THSD4: variants seen among roughly 807,000 people sequenced by gnomAD.
The protein encoded by THSD4 is thrombospondin type-1 domain-containing protein 4.
Under a neutral mutation model 119.0 loss-of-function variants are expected in THSD4, and 69 were observed. The ratio of observed to expected loss-of-function variants is 0.58; its 90% confidence interval spans 0.48 to 0.71. The LOEUF is 0.71. THSD4 is among the 30% of genes least tolerant of loss of function. The pLI, the probability that THSD4 is intolerant of heterozygous loss-of-function variation, is 0.00. For synonymous variants in THSD4, 524 were observed against 540.4 expected (o/e 0.97, Z 0.42); for missense variants, 1,393 against 1,391.1 (o/e 1.00, Z -0.02).
At position 71,699,317 on chromosome 15, in the gene THSD4, A is replaced by G. The variant is rs1345059200; in HGVS notation, c.1358-29232A>G. ...AAGCTCCGCCTCCCGGGTTCACGCC[A>G]TTCTCCTGCCTCAGCCTCCCAAGTA... On this transcript the variant is annotated intron_variant, in intron 8 of 17. Coordinates refer to ENST00000261862, the MANE Select transcript of THSD4 (RefSeq NM_024817.3). Among the ~76,000 whole-genome samples the G allele has an allele frequency of 4.3e-5, 3 of 69,126 alleles. 1 individual carries two copies. Among genetic ancestry groups the G allele is most frequent in the Admixed American group, 1.5e-4 (1 of 6,554 alleles). 45.3% of individuals were successfully genotyped at this position (69,126 alleles called of 152,430 possible).
At chr15:71,522,391 C>CAG (rs2048455205) in intron 7 of THSD4, among the ~76,000 whole-genome samples, 4 of 152,184 alleles carry the variant, frequency 2.6e-5, no homozygotes, top group African/African-American at 7.2e-5. Context: ...GCTGCCTCCC[C>CAG]AGTCCAGGGC....
intron 4 of THSD4, among the ~76,000 whole-genome samples, chr15:71,230,151 TC>T (rs1344234582): frequency 3.9e-5 from 6 of 151,980 alleles, no homozygotes; most frequent in African/African-American, 1.2e-4. Context: ...GGGGATAGGA[TC>T]TCCATTTGCT....
chr15:71,417,305 T>C (rs2046771364), intron 7 of THSD4, among the ~76,000 whole-genome samples: 1 of 108,264 alleles, frequency 9.2e-6, no homozygotes, highest in South Asian at 2.9e-4. Context: ...AAGAAATCTC[T>C]GCCCAGTCCT....
chr15:71,272,950 G>T (rs1384316721), intron 6 of THSD4, among the ~76,000 whole-genome samples: 1 of 152,184 alleles, frequency 6.6e-6, no homozygotes, highest in Non-Finnish European at 1.5e-5. Flanking sequence ...TGGTGGGAAT[G>T]TAAGTTAGAA....
intron 6 of THSD4, among the ~76,000 whole-genome samples, chr15:71,396,649 C>A (rs1566968684): frequency 6.6e-6 from 1 of 152,182 alleles, no homozygotes. Flanking sequence ...CCGGCCATGA[C>A]CTCCCGCTTC....
intron 5 of THSD4, among the ~76,000 whole-genome samples, chr15:71,246,901 T>G: frequency 6.6e-6 from 1 of 150,440 alleles, no homozygotes; most frequent in Admixed American, 6.6e-5. Flanking sequence ...TTTTTTTTTT[T>G]TTTTTTGAGA....
chr15:71,471,701 T>C (rs1299307898), intron 7 of THSD4, among the ~76,000 whole-genome samples: 1 of 151,390 alleles, frequency 6.6e-6, no homozygotes, highest in Non-Finnish European at 1.5e-5. Context: ...CCTGACACTT[T>C]TCATTCCTGT....
At chr15:71,462,115 T>A (rs751084746) in intron 7 of THSD4, among the ~76,000 whole-genome samples, 6 of 152,164 alleles carry the variant, frequency 3.9e-5, no homozygotes, top group Non-Finnish European at 7.4e-5. Flanking sequence ...TTCTTTTTTC[T>A]TTTTCATATT....
chr15:71,603,397 G>A (rs548528633), intron 7 of THSD4, among the ~76,000 whole-genome samples: 99 of 152,292 alleles, frequency 6.5e-4, no homozygotes, highest in Non-Finnish European at 1.1e-3. Context: ...CGAACTTCCC[G>A]TGGCTCCACC....
At chr15:71,455,210 C>G (rs983670253) in intron 7 of THSD4, among the ~76,000 whole-genome samples, 2 of 152,146 alleles carry the variant, frequency 1.3e-5, no homozygotes, top group African/African-American at 2.4e-5. Flanking sequence ...CTCCTTCTGC[C>G]TGATGTAGAA....
At chr15:71,301,032 C>A (rs1481799900) in intron 6 of THSD4, among the ~76,000 whole-genome samples, 1 of 152,070 alleles carries the variant, frequency 6.6e-6, no homozygotes, top group African/African-American at 2.4e-5. Flanking sequence ...ATAATCTGGG[C>A]CTTTGCTGCA....
chr15:71,316,820 C>T (rs1334041136), intron 6 of THSD4, among the ~76,000 whole-genome samples: 2 of 152,024 alleles, frequency 1.3e-5, no homozygotes, highest in African/African-American at 2.4e-5. Flanking sequence ...ATCTTAGGGC[C>T]GAAATCTGAG....
At chr15:71,712,021 A>G (rs1352829518) in intron 8 of THSD4, among the ~76,000 whole-genome samples, 2 of 152,166 alleles carry the variant, frequency 1.3e-5, no homozygotes, top group African/African-American at 4.8e-5. Context: ...CCTAATTGAC[A>G]TTTATACAAC....
chr15:71,652,994 C>A (rs1017682835), intron 7 of THSD4, among the ~76,000 whole-genome samples: 1 of 152,154 alleles, frequency 6.6e-6, no homozygotes, highest in Non-Finnish European at 1.5e-5. Context: ...AGGGCTGTAT[C>A]TCTTTTTAAA....
chr15:71,194,112 G>A (rs28660651), intron 3 of THSD4, among the ~76,000 whole-genome samples: 2,097 of 152,280 alleles, frequency 0.014, 49 homozygotes, highest in African/African-American at 0.046. Flanking sequence ...TGCCATGATT[G>A]TGAGGCCTTC....
chr15:71,378,784 G>GT (rs2046185385), intron 6 of THSD4, among the ~76,000 whole-genome samples: 1 of 152,056 alleles, frequency 6.6e-6, no homozygotes, highest in South Asian at 2.1e-4. Context: ...TGTCATTATT[G>GT]TTTTTTGTTA....
chr15:71,493,703 G>A (rs1390788908), intron 7 of THSD4, among the ~76,000 whole-genome samples: 2 of 152,176 alleles, frequency 1.3e-5, no homozygotes, highest in Non-Finnish European at 2.9e-5. Flanking sequence ...TCTGTCTTTA[G>A]GACAGCTCTG....
At chr15:71,239,927 T>C (rs2044138268) in intron 4 of THSD4, among the ~76,000 whole-genome samples, 1 of 152,232 alleles carries the variant, frequency 6.6e-6, no homozygotes, top group Non-Finnish European at 1.5e-5. Flanking sequence ...CCAAATGTTC[T>C]GAGTCAAATA....
intron 14 of THSD4, among the ~76,000 whole-genome samples, chr15:71,756,612 G>T (rs1450373087): frequency 6.6e-6 from 1 of 151,988 alleles, no homozygotes; most frequent in Non-Finnish European, 1.5e-5. Context: ...GCAAAATCCC[G>T]TCTCTACAAA....
Sources: gnomAD v4.1 joint callset for allele counts (sites outside exome capture counted in the v4.1 genomes callset) on GRCh38, gnomAD v4.1.1 for gene constraint, MANE v1.5 for transcripts, NCBI Gene and HGNC (gene_info 2026-07-23, HGNC 2026-07-21) for gene names.